The following CTDSPL variants were observed in gnomAD, a reference collection of about 807,000 sequenced individuals.
The protein encoded by CTDSPL is CTD small phosphatase-like protein.
In CTDSPL, 8 loss-of-function variants were observed where a neutral mutation model predicts 30.5. That is an observed-to-expected ratio of 0.26 (90% CI 0.15 to 0.47). The LOEUF is 0.47. Among genes scored for constraint, CTDSPL ranks in the 20% least tolerant of loss-of-function variants. CTDSPL has a pLI of 0.99. For missense variants in CTDSPL, 248 were observed against 366.1 expected (o/e 0.68, Z 2.63); for synonymous variants, 110 against 137.9 (o/e 0.80, Z 1.42).
chr3:37,880,911 G>C (rs902422314), intron 1 of CTDSPL, among the ~76,000 whole-genome samples: 1 of 151,894 alleles, frequency 6.6e-6, no homozygotes, highest in African/African-American at 2.4e-5. Context: ...GGACCCTCTG[G>C]TGTAGCCTAA....
chr3:37,967,790 T>C, intron 4 of CTDSPL, 36 bp from the exon 5 acceptor site: 1 of 1,471,674 alleles, frequency 6.8e-7, no homozygotes, highest in Non-Finnish European at 9.3e-7. Flanking sequence ...TTTTTGTTCC[T>C]TCAGACATAT....
intron 7 of CTDSPL, among the ~76,000 whole-genome samples, chr3:37,979,558 A>T (rs904124704): frequency 1.3e-5 from 2 of 152,136 alleles, no homozygotes; most frequent in Non-Finnish European, 2.9e-5. Flanking sequence ...ACACCATTGC[A>T]CTCCAGCCTG....
chr3:37,948,484 C>T (rs575162570), intron 2 of CTDSPL, among the ~76,000 whole-genome samples: 77 of 152,216 alleles, frequency 5.1e-4, no homozygotes, highest in African/African-American at 1.8e-3. Flanking sequence ...ACTTTATGTT[C>T]CAAATAACAT....
intron 1 of CTDSPL, among the ~76,000 whole-genome samples, chr3:37,871,761 T>C (rs148487366): frequency 4.7e-4 from 72 of 152,304 alleles, no homozygotes; most frequent in African/African-American, 1.7e-3. Context: ...TTAGATCTTT[T>C]GTTATAGTCC....
chr3:37,917,565 C>G (rs1018599429), intron 1 of CTDSPL, among the ~76,000 whole-genome samples: 2 of 152,048 alleles, frequency 1.3e-5, no homozygotes, highest in Non-Finnish European at 1.5e-5. Flanking sequence ...GGAAATGTAG[C>G]CTTACAGCAA....
chr3:37,908,995 A>G (rs780998200), intron 1 of CTDSPL, among the ~76,000 whole-genome samples: 3 of 152,214 alleles, frequency 2.0e-5, no homozygotes, highest in Admixed American at 6.5e-5. Context: ...CGTAATTACT[A>G]CAACTATTTT....
At chr3:37,863,480 A>G (rs1697970098) in intron 1 of CTDSPL, among the ~76,000 whole-genome samples, 1 of 152,170 alleles carries the variant, frequency 6.6e-6, no homozygotes, top group Admixed American at 6.5e-5. Context: ...GGGTCAAGGA[A>G]TCTGGCTTCT....
In CTDSPL at chr3:37,971,461, CT is replaced by C. The variant is rs757800359; in HGVS notation, c.486del (p.Phe162LeufsTer21). Reference sequence around the variant, plus strand: ...CGAGTTCCTCCAGAGGATGGGGCAGCTTTTTGAATGTGTGCTCTTTACTGCC... The same window carrying C: ...CGAGTTCCTCCAGAGGATGGGGCAGCTTTTGAATGTGTGCTCTTTACTGCC... ...VDEFLQRMGQLFECVLFTASL... is the reference protein window; with the variant it reads ...VDEFLQRMGQXFECVLFTASL... On this transcript the variant is annotated frameshift_variant, in exon 6 of 8. Transcript: ENST00000273179. LOFTEE classifies it high-confidence loss of function. 1 of 1,614,180 alleles carries C rather than the reference CT, an allele frequency of 6.2e-7. No homozygotes were observed. Among genetic ancestry groups the C allele is most frequent in the Non-Finnish European group, 8.5e-7 (1 of 1,180,026 alleles).
rs760505811 is a variant in CTDSPL at position 37,865,721 on chromosome 3, CA to C, written c.79+3444del. Among the ~76,000 whole-genome samples, 4 of 152,282 alleles carry C rather than the reference CA, an allele frequency of 2.6e-5. No homozygotes were observed. In the South Asian group the frequency reaches 8.3e-4, roughly 32 times the overall value. Reference sequence around the variant, plus strand: ...TTCCCTCATGTTATAGCATGGCTGCCACCCTTCCAAACACCACAGCCACCTT... The same window carrying C: ...TTCCCTCATGTTATAGCATGGCTGCCCCCTTCCAAACACCACAGCCACCTT... On this transcript the variant is annotated intron_variant, in intron 1 of 7. Coordinates refer to ENST00000273179, the MANE Select transcript of CTDSPL (RefSeq NM_001008392.2).
intron 1 of CTDSPL, among the ~76,000 whole-genome samples, chr3:37,907,790 A>G (rs1025417989): frequency 1.3e-5 from 2 of 152,212 alleles, no homozygotes; most frequent in Non-Finnish European, 2.9e-5. Flanking sequence ...ACTCCTGTAA[A>G]CACAAAGATA....
chr3:37,926,875 A>G (rs1294117026), intron 1 of CTDSPL, among the ~76,000 whole-genome samples: 1 of 152,216 alleles, frequency 6.6e-6, no homozygotes, highest in Admixed American at 6.5e-5. Context: ...AAGATATCCC[A>G]CAGGACGATG....
chr3:37,927,267 GGGTCAAAGTCAAAACTT>G (rs1467821457), intron 1 of CTDSPL, among the ~76,000 whole-genome samples: 12 of 152,130 alleles, frequency 7.9e-5, no homozygotes. Flanking sequence ...CAAAGATGGT[GGGTCAAAGTCAAAACTT>G]TGTTTCATGC....
chr3:37,955,366 G>A (rs977426529), intron 2 of CTDSPL, among the ~76,000 whole-genome samples: 19 of 152,270 alleles, frequency 1.2e-4, no homozygotes, highest in African/African-American at 2.2e-4. Context: ...GTTTGAGGCC[G>A]CAGTGAGCCG....
At chr3:37,896,182 A>T (rs1698388129) in intron 1 of CTDSPL, among the ~76,000 whole-genome samples, 1 of 152,244 alleles carries the variant, frequency 6.6e-6, no homozygotes, top group South Asian at 2.1e-4. Flanking sequence ...CTAACGAAGG[A>T]TATGATACAA....
At position 37,969,218 on chromosome 3, in the gene CTDSPL, G is replaced by A. The variant is rs566947461; in HGVS notation, c.426+1336G>A. 2.6e-5 allele frequency among the ~76,000 whole-genome samples: 4 copies of A among 152,344 alleles called. No homozygotes were observed. In the South Asian group the frequency reaches 6.2e-4, roughly 24 times the overall value. Reference sequence around the variant, plus strand: ...GAATTAGGAGAGAAATTAATCCTTTGTACCACGTGACTGTAAGCATGACTG... The same window carrying A: ...GAATTAGGAGAGAAATTAATCCTTTATACCACGTGACTGTAAGCATGACTG... On this transcript the variant is annotated intron_variant, in intron 5 of 7. Transcript: ENST00000273179.
rs1699048816 is a variant in CTDSPL at position 37,947,150 on chromosome 3, C to A, written c.173C>A (p.Pro58His). 1.2e-6 allele frequency: 2 copies of A among 1,613,152 alleles called. No homozygotes were observed. Among genetic ancestry groups the A allele is most frequent in the Non-Finnish European group, 1.7e-6 (2 of 1,179,986 alleles). ...CCFRDYNVEA[P>H]PPSSPSVLPP... ...TTCCGTGATTACAATGTGGAGGCCC[C>A]TCCACCCAGCAGCCCCAGTGTGCTT... The change falls in exon 2 of 8, where the codon CCT (proline) becomes CAT (histidine). Residue 58 changes from proline (P) to histidine (H), a missense_variant. By Grantham distance (77) the Pro-to-His change is moderately conservative (BLOSUM62 -2). Transcript: ENST00000273179.
chr3:37,923,324 T>A (rs1386795256), intron 1 of CTDSPL, among the ~76,000 whole-genome samples: 1 of 152,122 alleles, frequency 6.6e-6, no homozygotes, highest in Non-Finnish European at 1.5e-5. Context: ...AGCCTTGAGC[T>A]CTTCTTTTGG....
intron 1 of CTDSPL, among the ~76,000 whole-genome samples, chr3:37,935,975 G>A (rs1698911027): frequency 6.6e-6 from 1 of 152,150 alleles, no homozygotes; most frequent in African/African-American, 2.4e-5. Context: ...GGTCATGTCA[G>A]TATTGCATAC....
At chr3:37,947,313 G>C (rs1400087287) in intron 2 of CTDSPL, 102 bp downstream of exon 2, 1 of 1,374,210 alleles carries the variant, frequency 7.3e-7, no homozygotes, top group Admixed American at 2.1e-5. Flanking sequence ...AGAGCCAGGC[G>C]TGGTGGCTCA....
Sources: allele counts gnomAD v4.1 joint callset (sites outside exome capture counted in the v4.1 genomes callset), GRCh38; gene constraint gnomAD v4.1.1; transcripts MANE v1.5; gene names NCBI Gene and HGNC (gene_info 2026-07-23, HGNC 2026-07-21).